The following NRG2 variants were observed in gnomAD, a reference collection of about 807,000 sequenced individuals.
The protein encoded by NRG2 is neuregulin 2, also known as pro-neuregulin-2, membrane-bound isoform.
A neutral mutation model predicts 73.9 loss-of-function variants in NRG2; 27 were observed. That is an observed-to-expected ratio of 0.37 (90% confidence interval 0.27 to 0.50). The LOEUF is 0.50. Among genes scored for constraint, NRG2 ranks in the 20% least tolerant of loss-of-function variants. NRG2 has a pLI of 0.96. For synonymous variants in NRG2, 532 were observed against 541.0 expected, an observed-to-expected ratio of 0.98 and a Z score of 0.23; for missense variants, 1,126 against 1,210.1, an observed-to-expected ratio of 0.93 and a Z score of 1.03.
At position 139,979,761 on chromosome 5, in the gene NRG2, C is replaced by T. The variant is rs1278789616; in HGVS notation, c.700+62609G>A. 2.6e-5 allele frequency among the ~76,000 whole-genome samples: 4 copies of T among 152,154 alleles called. No homozygotes were observed. The East Asian group carries it at 7.7e-4, about 29-fold the overall frequency. ...AGCTGATCCTGCAACGCTGGCTGAG[C>T]CTTAAGATGACCGCAGTCCTGGAGG... On this transcript the variant is annotated intron_variant, in intron 1 of 9. Coordinates refer to ENST00000361474, the MANE Select transcript of NRG2 (RefSeq NM_004883.3).
chr5:139,854,132 T>G lies in NRG2; in HGVS notation c.1293-1105A>C, dbSNP rs146742308. On this transcript the variant is annotated intron_variant, in intron 6 of 9. Transcript: ENST00000361474. The stretch of plus-strand genomic sequence containing the variant: ...TTATTGGGCCTTAGTGTCCTGTTTC[T>G]CTCCCAGCCCTGTCTCTCTCTGCCC... Among the ~76,000 whole-genome samples the G allele has an allele frequency of 1.6e-3, 240 of 152,316 alleles. 1 individual carries two copies. The highest frequency in any genetic ancestry group is 3.0e-3 in the Non-Finnish European group (206 of 68,032).
chr5:140,041,898 T>C (rs1246450000), intron 1 of NRG2, among the ~76,000 whole-genome samples: 2 of 151,928 alleles, frequency 1.3e-5, no homozygotes, highest in Non-Finnish European at 2.9e-5. Context: ...GGAGAACTTG[T>C]AAGCGGAGGC....
chr5:139,983,853 T>C (rs1243374754), intron 1 of NRG2, among the ~76,000 whole-genome samples: 2 of 152,182 alleles, frequency 1.3e-5, no homozygotes, highest in African/African-American at 2.4e-5. Flanking sequence ...CAAAACTCCC[T>C]GCTCTCTCAT....
chr5:140,000,309 C>T (rs768935301), intron 1 of NRG2, among the ~76,000 whole-genome samples: 35 of 152,358 alleles, frequency 2.3e-4, no homozygotes, highest in Non-Finnish European at 4.3e-4. Context: ...CACCTCTGTG[C>T]TTGAACTCTG....
At chr5:140,006,167 A>C (rs1158314970) in intron 1 of NRG2, among the ~76,000 whole-genome samples, 1 of 152,182 alleles carries the variant, frequency 6.6e-6, no homozygotes, top group Non-Finnish European at 1.5e-5. Context: ...TCTGTCACTC[A>C]CTGTGATCAG....
chr5:139,877,151 T>C (rs768797279), intron 3 of NRG2, among the ~76,000 whole-genome samples: 11 of 152,158 alleles, frequency 7.2e-5, no homozygotes, highest in Non-Finnish European at 1.2e-4. Flanking sequence ...GAGACATCTG[T>C]TTCTCTAACT....
intron 3 of NRG2, among the ~76,000 whole-genome samples, chr5:139,874,110 G>A (rs1763028623): frequency 6.6e-6 from 1 of 152,230 alleles, no homozygotes; most frequent in African/African-American, 2.4e-5. Context: ...CTCTGCCAGT[G>A]GCAAAGCCAT....
In NRG2 at chr5:139,940,645, A is replaced by C. The variant is rs116553747; in HGVS notation, c.701-53134T>G. Reference sequence around the variant, plus strand: ...AAACTAGGTGCAGAAATATGTATACAGTATACTATCATTTGTGAGGGCAAA... The same window carrying C: ...AAACTAGGTGCAGAAATATGTATACCGTATACTATCATTTGTGAGGGCAAA... On this transcript the variant is annotated intron_variant, in intron 1 of 9. Transcript: ENST00000361474. 3.9e-3 allele frequency among the ~76,000 whole-genome samples: 598 copies of C among 152,354 alleles called. 3 individuals are homozygous for C. The highest frequency in any genetic ancestry group is 0.013 in the African/African-American group (560 of 41,590).
At chr5:139,953,561 G>A (rs72796721) in intron 1 of NRG2, among the ~76,000 whole-genome samples, 238 of 152,316 alleles carry the variant, frequency 1.6e-3, no homozygotes, top group Non-Finnish European at 2.5e-3. Context: ...ATCAGGGCTA[G>A]GTGGTCTGAC....
chr5:139,979,561 A>G (rs944227345), intron 1 of NRG2, among the ~76,000 whole-genome samples: 4 of 152,212 alleles, frequency 2.6e-5, no homozygotes, highest in African/African-American at 9.6e-5. Context: ...AATGTGGGGA[A>G]TGATGGGATG....
At chr5:139,991,164 C>A (rs182346076) in intron 1 of NRG2, among the ~76,000 whole-genome samples, 157 of 152,094 alleles carry the variant, frequency 1.0e-3, no homozygotes, top group Non-Finnish European at 1.7e-3. Flanking sequence ...GTAATCCCAG[C>A]TACTCAGGAG....
chr5:139,860,371 A>ATTTT (rs370113852), intron 5 of NRG2, among the ~76,000 whole-genome samples: 2,661 of 144,860 alleles, frequency 0.018, 88 homozygotes, highest in African/African-American at 0.063. Context: ...TGGGGGCCCA[A>ATTTT]TTTTTTTTTT....
At chr5:139,934,254 T>C (rs1752686209) in intron 1 of NRG2, among the ~76,000 whole-genome samples, 1 of 152,180 alleles carries the variant, frequency 6.6e-6, no homozygotes, top group Admixed American at 6.5e-5. Context: ...TTTTCTTATG[T>C]TTAAAATCTC....
At position 139,856,145 on chromosome 5, in the gene NRG2, C is replaced by CT. The variant is rs1761796873; in HGVS notation, c.1190-368_1190-367insA. 1 of 261,824 alleles carries CT rather than the reference C, an allele frequency of 3.8e-6. No homozygotes were observed. Among genetic ancestry groups the CT allele is most frequent in the South Asian group, 6.8e-5 (1 of 14,758 alleles). 16.2% of individuals were successfully genotyped at this position (261,824 alleles called of 1,614,324 possible). A position where few individuals can be genotyped will look rare whatever the true frequency, so the allele number is the denominator to read the frequency against. ...GAGGACAGCTCAGTCTGGCCGGTGACCCTGCCCTGCTCCACAGTGGCCTGG... is the reference window on the plus strand; with the variant it reads ...GAGGACAGCTCAGTCTGGCCGGTGACTCCTGCCCTGCTCCACAGTGGCCTGG... On this transcript the variant is annotated intron_variant, in intron 5 of 9. Transcript: ENST00000361474. The surrounding 1 kb of genome is among the most constrained non-coding windows in gnomAD (Gnocchi z 4.2).
chr5:139,963,226 A>C (rs567251626), intron 1 of NRG2, among the ~76,000 whole-genome samples: 1 of 152,304 alleles, frequency 6.6e-6, no homozygotes, highest in South Asian at 2.1e-4. Context: ...TCACTGAACA[A>C]CCTGACATGA....
intron 1 of NRG2, among the ~76,000 whole-genome samples, chr5:139,999,913 CA>C (rs1341265954): frequency 1.3e-5 from 2 of 152,166 alleles, no homozygotes; most frequent in Non-Finnish European, 2.9e-5. Context: ...GACACATGCC[CA>C]GGGGAAAACA....
intron 5 of NRG2, among the ~76,000 whole-genome samples, chr5:139,863,573 C>T (rs1224973845): frequency 1.3e-5 from 2 of 152,302 alleles, no homozygotes; most frequent in East Asian, 1.9e-4. Context: ...GGCTGGGACT[C>T]GCCATCCAGG....
At chr5:139,932,390 A>G (rs1752537557) in intron 1 of NRG2, among the ~76,000 whole-genome samples, 1 of 151,778 alleles carries the variant, frequency 6.6e-6, no homozygotes, top group Non-Finnish European at 1.5e-5. Context: ...AAAATATTGC[A>G]TGATCTCACT....
chr5:139,949,231 A>G (rs1011171626), intron 1 of NRG2, among the ~76,000 whole-genome samples: 4 of 152,152 alleles, frequency 2.6e-5, no homozygotes, highest in African/African-American at 9.7e-5. Context: ...CACCACTCCA[A>G]CAGCCCTTAA....
Sources: allele counts gnomAD v4.1 joint callset (sites outside exome capture counted in the v4.1 genomes callset), GRCh38; gene constraint gnomAD v4.1.1; non-coding constraint Gnocchi (gnomAD v3.1); transcripts MANE v1.5; gene names NCBI Gene and HGNC (gene_info 2026-07-23, HGNC 2026-07-21).